The following RBFOX1 variants were observed in gnomAD, a reference collection of about 807,000 sequenced individuals.
RBFOX1 encodes RNA binding fox-1 homolog 1, also known as RNA binding protein fox-1 homolog 1.
A neutral mutation model predicts 57.7 loss-of-function variants in RBFOX1; 8 were observed. The ratio of observed to expected loss-of-function variants is 0.14; its 90% CI spans 0.08 to 0.25. The LOEUF (loss-of-function observed/expected upper bound fraction) is 0.25. Ranked by LOEUF, RBFOX1 falls within the 10% of genes least tolerant of loss-of-function variation. RBFOX1 has a pLI of 1.00. For synonymous variants in RBFOX1, 326 were observed against 222.4 expected (o/e 1.47, Z -4.15); for missense variants, 611 against 548.5 (o/e 1.11, Z -1.14).
intron 4 of RBFOX1, among the ~76,000 whole-genome samples, chr16:7,069,880 C>G (rs778838416): frequency 6.6e-6 from 1 of 152,158 alleles, no homozygotes; most frequent in Non-Finnish European, 1.5e-5. Context: ...GTAGAATTTG[C>G]GCTTGAATTT....
chr16:5,698,663 A>G (rs2050924808), intron 3 of RBFOX1, among the ~76,000 whole-genome samples: 1 of 152,182 alleles, frequency 6.6e-6, no homozygotes, highest in South Asian at 2.1e-4. Flanking sequence ...CTGTAGCAAT[A>G]CTGTTCACCA....
At chr16:7,113,333 A>T (rs2065190561) in intron 4 of RBFOX1, among the ~76,000 whole-genome samples, 1 of 152,164 alleles carries the variant, frequency 6.6e-6, no homozygotes, top group African/African-American at 2.4e-5. Context: ...GGACTTATAC[A>T]ATATAATGAA....
chr16:7,199,092 G>T (rs1344293728), intron 4 of RBFOX1, among the ~76,000 whole-genome samples: 1 of 152,176 alleles, frequency 6.6e-6, no homozygotes, highest in African/African-American at 2.4e-5. Context: ...CTCCTCCCCA[G>T]AGGAAGAACA....
At chr16:5,793,338 T>G (rs567414868) in intron 3 of RBFOX1, among the ~76,000 whole-genome samples, 1 of 152,378 alleles carries the variant, frequency 6.6e-6, no homozygotes, top group East Asian at 1.9e-4. Context: ...TTTTCTTGTT[T>G]TGTCAACATG....
chr16:6,625,467 A>G (rs1160226479), intron 2 of RBFOX1, among the ~76,000 whole-genome samples: 1 of 152,176 alleles, frequency 6.6e-6, no homozygotes, highest in South Asian at 2.1e-4. Flanking sequence ...AATGGGATAC[A>G]AAGTCCAAGC....
At chr16:6,212,870 C>G (rs1472566981) in intron 1 of RBFOX1, among the ~76,000 whole-genome samples, 1 of 151,986 alleles carries the variant, frequency 6.6e-6, no homozygotes, top group Non-Finnish European at 1.5e-5. Flanking sequence ...GAAGAAGAGA[C>G]CAATAGTAAA....
At chr16:6,801,763 T>C (rs942793027) in intron 3 of RBFOX1, among the ~76,000 whole-genome samples, 4 of 151,942 alleles carry the variant, frequency 2.6e-5, no homozygotes, top group African/African-American at 9.7e-5. Flanking sequence ...AGGGAGAAGG[T>C]CTGGAAAATA....
Position 6,962,245 on chromosome 16 carries a change from A to T in RBFOX1, c.-15-89812A>T, listed in dbSNP as rs376030801. On this transcript the variant is annotated intron_variant, in intron 3 of 15. Transcript: ENST00000550418. ...GCCTTCTTTCCTAGGTGTGTGTCAG[A>T]CCTCCCTCTCCTTTCTCTTACAAAA... 3.3e-5 allele frequency among the ~76,000 whole-genome samples: 5 copies of T among 151,604 alleles called. No homozygotes were observed. In the East Asian group the frequency reaches 9.7e-4, roughly 30 times the overall value.
chr16:5,471,044 G>A, intron 2 of RBFOX1, among the ~76,000 whole-genome samples: 1 of 152,028 alleles, frequency 6.6e-6, no homozygotes, highest in East Asian at 1.9e-4. Context: ...GTAGAGACGG[G>A]GCTGGTCTCA....
chr16:6,681,647 C>T (rs1163409455), intron 3 of RBFOX1, among the ~76,000 whole-genome samples: 1 of 147,108 alleles, frequency 6.8e-6, no homozygotes, highest in Non-Finnish European at 1.5e-5. Flanking sequence ...ACAATTGCCC[C>T]CCTCCACAAT....
chr16:6,909,767 C>A (rs556479905), intron 3 of RBFOX1, among the ~76,000 whole-genome samples: 1 of 152,068 alleles, frequency 6.6e-6, no homozygotes, highest in African/African-American at 2.4e-5. Flanking sequence ...TATTTTCTCC[C>A]GAGTGTGGTT....
At chr16:6,688,457 G>T (rs903469495) in intron 3 of RBFOX1, among the ~76,000 whole-genome samples, 1 of 152,060 alleles carries the variant, frequency 6.6e-6, no homozygotes, top group Non-Finnish European at 1.5e-5. Context: ...CTTTTATTTA[G>T]ACCCCTTGGC....
chr16:5,419,446 CTG>C (rs2067250377), intron 1 of RBFOX1, among the ~76,000 whole-genome samples: 1 of 152,018 alleles, frequency 6.6e-6, no homozygotes, highest in Admixed American at 6.6e-5. Flanking sequence ...ATGCTGGCAG[CTG>C]ATTAGCTGGT....
At chr16:6,226,374 CAAAAAAAA>C (rs368116983) in intron 1 of RBFOX1, among the ~76,000 whole-genome samples, 11 of 86,564 alleles carry the variant, frequency 1.3e-4, no homozygotes, top group African/African-American at 4.6e-4. Context: ...ACTCTGTCTC[CAAAAAAAA>C]AAAAAAAAAC....
intron 1 of RBFOX1, among the ~76,000 whole-genome samples, chr16:6,121,343 G>A (rs1382319083): frequency 6.6e-6 from 1 of 152,176 alleles, no homozygotes; most frequent in Admixed American, 6.5e-5. Flanking sequence ...ATACAAGCTG[G>A]CCTGTCTACA....
intron 2 of RBFOX1, among the ~76,000 whole-genome samples, chr16:6,642,320 G>C (rs897844478): frequency 1.3e-5 from 2 of 152,128 alleles, no homozygotes; most frequent in African/African-American, 4.8e-5. Flanking sequence ...CATCTAATGT[G>C]GGTAATTACT....
At chr16:6,768,799 G>C (rs1567169103) in intron 3 of RBFOX1, among the ~76,000 whole-genome samples, 1 of 150,476 alleles carries the variant, frequency 6.6e-6, no homozygotes, top group Non-Finnish European at 1.5e-5. Context: ...GGCGAACTCA[G>C]CTCACTGCAA....
rs552160519 is a variant in RBFOX1, at chr16:5,614,059, C to A, written c.318+15098C>A. ...TAGGAACACTGAGAAAGAAGCCCAG[C>A]CTTTTTCTCGCTAAGAATGGCCACC... On this transcript the variant is annotated intron_variant, in intron 3 of 19. Coordinates refer to the RBFOX1 transcript ENST00000641259. Among the ~76,000 whole-genome samples the A allele has an allele frequency of 3.3e-5, 5 of 152,204 alleles. No individual in the cohort carries two copies. The East Asian group carries it at 9.7e-4, about 29-fold the overall frequency.
At chr16:5,820,535 C>T (rs562379767) in intron 3 of RBFOX1, among the ~76,000 whole-genome samples, 11 of 152,262 alleles carry the variant, frequency 7.2e-5, no homozygotes, top group South Asian at 2.1e-4. Context: ...AGCTTCTTTT[C>T]ATCATCAGCC....
Sources: allele counts gnomAD v4.1 joint callset (sites outside exome capture counted in the v4.1 genomes callset), GRCh38; gene constraint gnomAD v4.1.1; transcripts MANE v1.5; gene names NCBI Gene and HGNC (gene_info 2026-07-23, HGNC 2026-07-21).